Variants in VAV2 observed in about 807,000 individuals in gnomAD.
The protein encoded by VAV2 is guanine nucleotide exchange factor VAV2.
A neutral mutation model predicts 132.5 loss-of-function variants in VAV2; 67 were observed. The observed-to-expected ratio is 0.51, with a 90% CI of 0.42 to 0.62. VAV2 has a LOEUF of 0.62. VAV2 is among the 20% of genes least tolerant of loss of function. VAV2 has a pLI of 0.00. For synonymous variants in VAV2, 492 were observed against 443.5 expected, an observed-to-expected ratio of 1.11 and a Z score of -1.37; for missense variants, 938 against 1,153.6, an observed-to-expected ratio of 0.81 and a Z score of 2.71.
intron 10 of VAV2, 113 bp from the exon 11 acceptor site, chr9:133,796,637 C>T (rs971592507): frequency 1.8e-5 from 17 of 942,650 alleles, no homozygotes; most frequent in Admixed American, 5.3e-5. Flanking sequence ...CAGGCCCAGA[C>T]GTTTGGCCCT....
chr9:133,930,016 C>T (rs1840622050), intron 2 of VAV2, among the ~76,000 whole-genome samples: 1 of 152,260 alleles, frequency 6.6e-6, no homozygotes, highest in African/African-American at 2.4e-5. Flanking sequence ...CTTCCTCCTC[C>T]CAGCCTCTTG....
chr9:133,927,411 C>T (rs538287), intron 2 of VAV2, among the ~76,000 whole-genome samples: 56,952 of 152,124 alleles, frequency 0.37, 11,388 homozygotes, highest in East Asian at 0.57. Flanking sequence ...AGGCCACCCA[C>T]GGTCAGAGAA....
Position 133,818,282 on chromosome 9 carries a change from C to A in VAV2, c.450-6066G>T, listed in dbSNP as rs10993809. On this transcript the variant is annotated intron_variant, in intron 4 of 29. Coordinates refer to ENST00000371850, the MANE Select transcript of VAV2 (RefSeq NM_001134398.2). Reference sequence around the variant, plus strand: ...TCAAGAGGCTGAGGCAGGAGAATGGCGTGAACCTGGGAGGCAGAGCTTGCA... The same window carrying A: ...TCAAGAGGCTGAGGCAGGAGAATGGAGTGAACCTGGGAGGCAGAGCTTGCA... Among the ~76,000 whole-genome samples, 4 of 150,210 alleles carry A rather than the reference C, an allele frequency of 2.7e-5. No homozygotes were observed. In the South Asian group the frequency reaches 8.4e-4, roughly 32 times the overall value.
At chr9:133,817,459 C>T (rs975304909) in intron 4 of VAV2, among the ~76,000 whole-genome samples, 1 of 151,936 alleles carries the variant, frequency 6.6e-6, no homozygotes, top group Admixed American at 6.6e-5. Flanking sequence ...TCGAGGCCAG[C>T]CTGGCCAATA....
chr9:133,892,073 T>A, intron 2 of VAV2, among the ~76,000 whole-genome samples: 1 of 75,546 alleles, frequency 1.3e-5, no homozygotes, highest in Non-Finnish European at 2.6e-5. Flanking sequence ...AGAGGTGGGG[T>A]GTGGGGAGGA....
intron 1 of VAV2, among the ~76,000 whole-genome samples, chr9:133,979,449 G>C (rs1191402070): frequency 6.6e-6 from 1 of 152,152 alleles, no homozygotes; most frequent in African/African-American, 2.4e-5. Flanking sequence ...TGGGTCCCCA[G>C]GCAGGGGCTG....
chr9:133,770,553 C>G (rs763785895), intron 26 of VAV2, 52 bp from the exon 27 acceptor site: 1 of 1,601,198 alleles, frequency 6.2e-7, no homozygotes, highest in Admixed American at 1.7e-5. Flanking sequence ...AGGAAGTCCT[C>G]CCCCAGTGAC....
intron 2 of VAV2, among the ~76,000 whole-genome samples, chr9:133,895,517 C>T (rs2810472): frequency 0.66 from 101,003 of 152,160 alleles, 35,505 homozygotes; most frequent in Middle Eastern, 0.87. Context: ...TGATTCTCAC[C>T]GCAACGTGCC....
chr9:133,922,465 C>T (rs1238718383), intron 2 of VAV2, among the ~76,000 whole-genome samples: 2 of 152,234 alleles, frequency 1.3e-5, no homozygotes, highest in African/African-American at 4.8e-5. Flanking sequence ...CATCTGTGAG[C>T]ATTTACCTTC....
rs139406492 is a variant in VAV2, at chr9:133,970,009, C to A, written c.204+22066G>T. On this transcript the variant is annotated intron_variant, in intron 1 of 29. Coordinates refer to ENST00000371850, the MANE Select transcript of VAV2 (RefSeq NM_001134398.2). ...GTGACTCAGAGTTCCTGCCACCCCC[C>A]AGACGTGCAGGGTGGTCTGCACCCC... Among the ~76,000 whole-genome samples, 829 of 152,268 alleles carry A rather than the reference C, an allele frequency of 5.4e-3. 2 individuals are homozygous for A. The highest frequency in any genetic ancestry group is 8.6e-3 in the Non-Finnish European group (587 of 67,992).
At chr9:133,974,590 G>A (rs1390562335) in intron 1 of VAV2, among the ~76,000 whole-genome samples, 8 of 152,144 alleles carry the variant, frequency 5.3e-5, no homozygotes, top group Admixed American at 3.9e-4. Flanking sequence ...GTAAACTGAG[G>A]CTCAGAAAGG....
chr9:133,851,899 GGATGGATGGGTGGA>G, intron 3 of VAV2, among the ~76,000 whole-genome samples: 1 of 145,310 alleles, frequency 6.9e-6, no homozygotes, highest in African/African-American at 2.8e-5. Flanking sequence ...ATGGATGGAT[GGATGGATGGGTGGA>G]TGGATGGATG....
intron 2 of VAV2, among the ~76,000 whole-genome samples, chr9:133,927,219 C>G (rs1564471791): frequency 1.3e-5 from 2 of 152,190 alleles, no homozygotes; most frequent in Non-Finnish European, 1.5e-5. Context: ...GTGGGAAACC[C>G]CTGGCACATG....
intron 2 of VAV2, among the ~76,000 whole-genome samples, chr9:133,896,184 G>A (rs914131188): frequency 7.9e-4 from 121 of 152,370 alleles, no homozygotes; most frequent in African/African-American, 2.8e-3. Context: ...GTCGGGCGCA[G>A]TGGCTTACGC....
intron 2 of VAV2, chr9:133,925,891 T>C (rs1333406408): frequency 1.3e-5 from 2 of 151,900 alleles, no homozygotes; most frequent in African/African-American, 4.8e-5. Flanking sequence ...ATTTGGCTTT[T>C]TTGCTGCAAA....
rs944071359 is a variant in VAV2, at chr9:133,834,545, A to T, written c.381-205T>A. Among the ~76,000 whole-genome samples, 2 of 152,244 alleles carry T rather than the reference A, an allele frequency of 1.3e-5. No homozygotes were observed. Among genetic ancestry groups the T allele is most frequent in the South Asian group, 4.1e-4 (2 of 4,836 alleles). ...TGGGCCATAGGGCAAGAGGAGACCC[A>T]TGCCTACTTGCCAGGGGGCAAGGAA... On this transcript the variant is annotated intron_variant, in intron 3 of 29. Transcript: ENST00000371850. This position sits in a 1 kb window ranked among gnomAD's most constrained non-coding sequence, Gnocchi z 5.9.
intron 1 of VAV2, among the ~76,000 whole-genome samples, chr9:133,951,487 A>T (rs1232645259): frequency 2.0e-5 from 3 of 152,132 alleles, no homozygotes; most frequent in Non-Finnish European, 2.9e-5. Context: ...CCCGCCAGGC[A>T]ACCCCAGCTG....
At chr9:133,896,632 T>C (rs2131995015) in intron 2 of VAV2, among the ~76,000 whole-genome samples, 1 of 152,290 alleles carries the variant, frequency 6.6e-6, no homozygotes, top group East Asian at 1.9e-4. Flanking sequence ...AGTTGCTCAT[T>C]TCATTGGATC....
At chr9:133,987,019 ATTATTTATTTATTATATAT>A (rs1375716515) in intron 1 of VAV2, among the ~76,000 whole-genome samples, 1 of 148,662 alleles carries the variant, frequency 6.7e-6, no homozygotes, top group Admixed American at 6.7e-5. Flanking sequence ...TTATTTTATT[ATTATTTATTTATTATATAT>A]TTATTTATTT....
Sources: allele counts gnomAD v4.1 joint callset (sites outside exome capture counted in the v4.1 genomes callset), GRCh38; gene constraint gnomAD v4.1.1; non-coding constraint Gnocchi (gnomAD v3.1); transcripts MANE v1.5; gene names NCBI Gene and HGNC (gene_info 2026-07-23, HGNC 2026-07-21).